Variants in FHIT observed in about 807,000 individuals in gnomAD.
FHIT encodes the protein bis(5'-adenosyl)-triphosphatase.
In FHIT, 19 loss-of-function variants were observed where a neutral mutation model predicts 17.9. The ratio of observed to expected loss-of-function variants is 1.06; its 90% CI spans 0.74 to 1.56. The LOEUF is 1.56. FHIT is among the 40% of genes most tolerant of loss of function. FHIT has a pLI of 0.00. For missense variants in FHIT, 248 were observed against 189.2 expected (o/e 1.31, Z -1.82); for synonymous variants, 81 against 69.7 (o/e 1.16, Z -0.81).
intron 7 of FHIT, 88 bp downstream of exon 7, chr3:60,011,283 G>A (rs1700127108): frequency 3.3e-6 from 4 of 1,220,720 alleles, no homozygotes; most frequent in South Asian, 1.2e-5. Flanking sequence ...TAATGAAACA[G>A]CAATGTGCTG....
At chr3:60,409,813 C>A (rs1432267839) in intron 5 of FHIT, among the ~76,000 whole-genome samples, 1 of 152,122 alleles carries the variant, frequency 6.6e-6, no homozygotes, top group East Asian at 1.9e-4. Context: ...TCTCAATACT[C>A]CCATGCTACA....
intron 5 of FHIT, among the ~76,000 whole-genome samples, chr3:60,360,959 C>A (rs113322004): frequency 5.9e-5 from 9 of 152,204 alleles, no homozygotes; most frequent in African/African-American, 1.9e-4. Flanking sequence ...AAAAGCCTTC[C>A]GTCCGACCCA....
intron 8 of FHIT, among the ~76,000 whole-genome samples, chr3:59,847,945 A>G (rs9859075): frequency 6.6e-6 from 1 of 152,210 alleles, no homozygotes; most frequent in Non-Finnish European, 1.5e-5. Context: ...AGAAAAATTA[A>G]GGGAAGCGAA....
chr3:59,767,880 C>T (rs977673419), intron 8 of FHIT, among the ~76,000 whole-genome samples: 4 of 152,170 alleles, frequency 2.6e-5, no homozygotes, highest in Non-Finnish European at 5.9e-5. Context: ...TATAACAATA[C>T]ATAGCATTTG....
chr3:60,507,633 T>C (rs2034787850), intron 5 of FHIT, among the ~76,000 whole-genome samples: 1 of 152,178 alleles, frequency 6.6e-6, no homozygotes. Context: ...TTAAGTCTAG[T>C]ACCCGTTAGT....
intron 5 of FHIT, among the ~76,000 whole-genome samples, chr3:60,130,784 G>GTATACACATATATATGTGTGTGTGTGT (rs148356992): frequency 8.1e-5 from 9 of 111,618 alleles, no homozygotes; most frequent in Non-Finnish European, 1.6e-4. Context: ...GTGTGTGTGT[G>GTATACACATATATATGTGTGTGTGTGT]GTGTGTATAT....
intron 5 of FHIT, among the ~76,000 whole-genome samples, chr3:60,281,816 AT>A (rs1366518304): frequency 6.6e-6 from 1 of 152,128 alleles, no homozygotes; most frequent in Admixed American, 6.5e-5. Context: ...TACAAAAAAA[AT>A]TTTAAATTGA....
intron 3 of FHIT, among the ~76,000 whole-genome samples, chr3:60,930,670 A>G (rs1322511456): frequency 6.6e-6 from 1 of 152,222 alleles, no homozygotes; most frequent in Non-Finnish European, 1.5e-5. Flanking sequence ...ATGAGATACC[A>G]TCTCACACCA....
chr3:61,142,935 G>C (rs2037126919), intron 2 of FHIT, among the ~76,000 whole-genome samples: 2 of 152,232 alleles, frequency 1.3e-5, no homozygotes, highest in African/African-American at 2.4e-5. Flanking sequence ...TCTTAGTGAA[G>C]ATCGTTAATA....
At chr3:60,563,075 G>T (rs1447960) in intron 4 of FHIT, among the ~76,000 whole-genome samples, 127,903 of 152,124 alleles carry the variant, frequency 0.84, 54,283 homozygotes, top group African/African-American at 0.95. Flanking sequence ...TATGTTCTAC[G>T]TGAAACTTTG....
chr3:60,583,999 G>C (rs1188904186), intron 4 of FHIT, among the ~76,000 whole-genome samples: 2 of 152,030 alleles, frequency 1.3e-5, no homozygotes, highest in African/African-American at 4.8e-5. Flanking sequence ...GTCACAGAGG[G>C]CTGTCATTTC....
intron 5 of FHIT, among the ~76,000 whole-genome samples, chr3:60,154,960 G>A (rs1700616765): frequency 6.6e-6 from 1 of 152,058 alleles, no homozygotes; most frequent in Non-Finnish European, 1.5e-5. Context: ...AGCATCTTGG[G>A]AGGCCAAGGT....
At position 60,280,099 on chromosome 3, in the gene FHIT, G is replaced by A. The variant is rs532607568; in HGVS notation, c.103+256761C>T. Among the ~76,000 whole-genome samples the A allele has an allele frequency of 1.4e-3, 217 of 149,900 alleles. 3 individuals are homozygous for A. The highest frequency in any genetic ancestry group is 6.8e-3 in the Middle Eastern group (2 of 292). On this transcript the variant is annotated intron_variant, in intron 5 of 9. Transcript: ENST00000492590. ...AAAAACTCAACAAACGTAACTTAGCGTATCAACTGGCCAGAGAAGAAAAAT... is the reference window on the plus strand; with the variant it reads ...AAAAACTCAACAAACGTAACTTAGCATATCAACTGGCCAGAGAAGAAAAAT...
intron 5 of FHIT, among the ~76,000 whole-genome samples, chr3:60,200,310 G>C (rs994458814): frequency 6.6e-6 from 1 of 152,032 alleles, no homozygotes; most frequent in Non-Finnish European, 1.5e-5. Flanking sequence ...CCTGATGTTT[G>C]ACAGCCATCT....
chr3:60,162,353 A>G (rs1382122367), intron 5 of FHIT, among the ~76,000 whole-genome samples: 1 of 152,302 alleles, frequency 6.6e-6, no homozygotes, highest in African/African-American at 2.4e-5. Context: ...TTATTACAGA[A>G]GAGGTAGAAT....
At chr3:60,806,577 G>C (rs1447924) in intron 4 of FHIT, among the ~76,000 whole-genome samples, 10 of 152,206 alleles carry the variant, frequency 6.6e-5, no homozygotes, top group Admixed American at 2.6e-4. Context: ...CATCAATACC[G>C]TAAGCTAATG....
chr3:60,429,183 C>G (rs1389688579), intron 5 of FHIT, among the ~76,000 whole-genome samples: 1 of 151,872 alleles, frequency 6.6e-6, no homozygotes, highest in South Asian at 2.1e-4. Flanking sequence ...AAATTTTGGT[C>G]TAGTTTATGA....
At chr3:61,113,171 T>C (rs144733642) in intron 2 of FHIT, among the ~76,000 whole-genome samples, 1,754 of 151,988 alleles carry the variant, frequency 0.012, 14 homozygotes, top group Non-Finnish European at 0.016. Context: ...GACTGACTAA[T>C]GTTTTTATTT....
At chr3:60,426,650 T>C (rs757905234) in intron 5 of FHIT, among the ~76,000 whole-genome samples, 9 of 152,106 alleles carry the variant, frequency 5.9e-5, no homozygotes, top group Non-Finnish European at 1.3e-4. Context: ...TTCTCCTTAG[T>C]CAACACCCTC....
Sources: allele counts gnomAD v4.1 joint callset (sites outside exome capture counted in the v4.1 genomes callset), GRCh38; gene constraint gnomAD v4.1.1; transcripts MANE v1.5; gene names NCBI Gene and HGNC (gene_info 2026-07-23, HGNC 2026-07-21).